CPOX: variants seen among roughly 807,000 people sequenced by gnomAD.
CPOX encodes the protein oxygen-dependent coproporphyrinogen-III oxidase, mitochondrial.
Under a neutral mutation model 48.9 loss-of-function variants are expected in CPOX, and 24 were observed. That is an observed-to-expected ratio of 0.49 (90% CI 0.36 to 0.69). The LOEUF is 0.69. Among genes scored for constraint, CPOX ranks in the 30% least tolerant of loss-of-function variants. The pLI, the probability that CPOX is intolerant of heterozygous loss-of-function variation, is 0.00. For missense variants in CPOX, 549 were observed against 597.3 expected (o/e 0.92, Z 0.84); for synonymous variants, 249 against 234.6 (o/e 1.06, Z -0.56).
At position 98,593,526 on chromosome 3, in the gene CPOX, G is replaced by C; in HGVS notation, c.-22C>G. Reference sequence around the variant, plus strand: ...CCATGTTCCCGCACTATCACCTGGAGCAGTGCCTGCGTCCCAGAGCCCTGC... The same window carrying C: ...CCATGTTCCCGCACTATCACCTGGACCAGTGCCTGCGTCCCAGAGCCCTGC... On this transcript the variant is annotated 5_prime_UTR_variant, in exon 1 of 7. Transcript: ENST00000647941. 1 of 1,517,470 alleles carries C rather than the reference G, an allele frequency of 6.6e-7. No homozygotes were observed. The highest frequency in any genetic ancestry group is 8.8e-7 in the Non-Finnish European group (1 of 1,138,692). 94.0% of individuals were successfully genotyped at this position (1,517,470 alleles called of 1,614,324 possible). A position where few individuals can be genotyped will look rare whatever the true frequency, so the allele number is the denominator to read the frequency against.
rs1707211755 is a variant in CPOX, at chr3:98,579,549, T to A, written c.*1134A>T. Reference sequence around the variant, plus strand: ...AAAAGGCCACACAGAATCACAAACATTCAACGTGTTCCACGATAATGATAT... The same window carrying A: ...AAAAGGCCACACAGAATCACAAACAATCAACGTGTTCCACGATAATGATAT... On this transcript the variant is annotated 3_prime_UTR_variant, in exon 7 of 7. Transcript: ENST00000647941. 2.0e-6 allele frequency: 2 copies of A among 985,338 alleles called. 1 individual carries two copies. Among genetic ancestry groups the A allele is most frequent in the South Asian group, 9.4e-5 (2 of 21,292 alleles). The allele number at this position is 985,338 out of a possible 1,614,324, so 61.0% of individuals were successfully genotyped here.
At position 98,590,679 on chromosome 3, in the gene CPOX, G is replaced by C; in HGVS notation, c.764C>G (p.Pro255Arg). Reference protein sequence around the residue: ...SVIHPKNPHAPTIHFNYRYFE... With the variant: ...SVIHPKNPHARTIHFNYRYFE... ...GTATCTGTAGTTGAAATGGATAGTA[G>C]GAGCATGAGGATTCTTGGGGTGGAT... The change falls in exon 3 of 7, where the codon CCT becomes CGT. Residue 255 changes from proline (P) to arginine (R), a missense_variant. This residue lies in a region of CPOX where 213 missense variants were observed against 279.1 expected (regional missense o/e 0.76). Transcript: ENST00000647941. 6.2e-7 allele frequency: 1 copy of C among 1,614,064 alleles called. No individual in the cohort carries two copies. Among genetic ancestry groups the C allele is most frequent in the Non-Finnish European group, 8.5e-7 (1 of 1,179,952 alleles).
At chr3:98,581,634 A>C in intron 5 of CPOX, 123 bp from the exon 6 acceptor site, 1 of 723,636 alleles carries the variant, frequency 1.4e-6, no homozygotes, top group Non-Finnish European at 2.5e-6. Context: ...GAACTGGCAC[A>C]GAGGACACCA....
downstream of CPOX, among the ~76,000 whole-genome samples, chr3:98,577,033 CAAGG>C (rs1707172318): frequency 6.6e-6 from 1 of 151,806 alleles, no homozygotes; most frequent in Non-Finnish European, 1.5e-5. Flanking sequence ...AGATTGACTC[CAAGG>C]AAGGTTTCTT....
intron 5 of CPOX, among the ~76,000 whole-genome samples, chr3:98,583,684 TAA>T: frequency 6.6e-6 from 1 of 152,206 alleles, no homozygotes; most frequent in East Asian, 1.9e-4. Context: ...GATTGCCAAA[TAA>T]GAGACTGTAA....
downstream of CPOX, among the ~76,000 whole-genome samples, chr3:98,578,722 G>A (rs1019663567): frequency 1.3e-5 from 2 of 152,056 alleles, no homozygotes; most frequent in Non-Finnish European, 2.9e-5. Flanking sequence ...CTTTCACTTG[G>A]CATAATGTTT....
rs75010511 is a variant in CPOX at position 98,588,137 on chromosome 3, T to C, written c.953+576A>G. The stretch of plus-strand genomic sequence containing the variant: ...CTTTTTCAAGAATGCCAATTGGCTC[T>C]AAGCAGAATTGAGTACTTTACTCAT... On this transcript the variant is annotated intron_variant, in intron 4 of 6. Transcript: ENST00000647941. Among the ~76,000 whole-genome samples, 1,239 of 152,362 alleles carry C rather than the reference T, an allele frequency of 8.1e-3. 13 individuals are homozygous for C. The highest frequency in any genetic ancestry group is 0.012 in the Non-Finnish European group (818 of 68,040).
chr3:98,591,966 CATAT>C (rs10535615), intron 1 of CPOX, among the ~76,000 whole-genome samples: 1,750 of 145,702 alleles, frequency 0.012, 33 homozygotes, highest in African/African-American at 0.034. Context: ...ATATTCCATC[CATAT>C]ATATATATAT....
downstream of CPOX, among the ~76,000 whole-genome samples, chr3:98,575,450 A>C (rs1559671225): frequency 2.6e-5 from 4 of 152,240 alleles, no homozygotes; most frequent in South Asian, 2.1e-4. Flanking sequence ...GAGGAAATGC[A>C]GTTCAACTAC....
chr3:98,587,075 A>G (rs992764059), intron 4 of CPOX, among the ~76,000 whole-genome samples: 8 of 152,206 alleles, frequency 5.3e-5, no homozygotes, highest in Admixed American at 5.2e-4. Context: ...AAATAGAAAA[A>G]CATGCTCAAA....
rs571677672 is a variant in CPOX, at chr3:98,579,978, C to A, written c.*705G>T. Reference sequence around the variant, plus strand: ...TTTCACATTCAAAAGTGCAGAGAATCCCAACATTAACAAACAATGGTTCCA... The same window carrying A: ...TTTCACATTCAAAAGTGCAGAGAATACCAACATTAACAAACAATGGTTCCA... On this transcript the variant is annotated 3_prime_UTR_variant, in exon 7 of 7. Transcript: ENST00000647941. 4 of 985,590 alleles carry A rather than the reference C, an allele frequency of 4.1e-6. No individual in the cohort carries two copies. The South Asian group carries it at 1.9e-4, about 46-fold the overall frequency. 61.1% of individuals were successfully genotyped at this position (985,590 alleles called of 1,614,324 possible).
chr3:98,578,225 T>A (rs1707190579), downstream of CPOX: 3 of 962,142 alleles, frequency 3.1e-6, no homozygotes, highest in South Asian at 1.4e-4. Flanking sequence ...GCAATTCTTT[T>A]CAGACATAGT....
chr3:98,583,924 G>A lies in CPOX; in HGVS notation c.1172+1517C>T, dbSNP rs536504708. Among the ~76,000 whole-genome samples, 6 of 152,262 alleles carry A rather than the reference G, an allele frequency of 3.9e-5. No individual in the cohort carries two copies. In the South Asian group the frequency reaches 1.2e-3, roughly 32 times the overall value. ...CCAGAGATAAGGGAGGCAGAAAGAA[G>A]CTGTCTTTGAAGAACAGTCACACAC... On this transcript the variant is annotated intron_variant, in intron 5 of 6. Coordinates refer to ENST00000647941, the MANE Select transcript of CPOX (RefSeq NM_000097.7).
chr3:98,589,276 G>A lies in CPOX; in HGVS notation c.812-422C>T, dbSNP rs536787374. Among the ~76,000 whole-genome samples, 18 of 152,122 alleles carry A rather than the reference G, an allele frequency of 1.2e-4. No homozygotes were observed. The South Asian group carries it at 2.5e-3, about 21-fold the overall frequency. On this transcript the variant is annotated intron_variant, in intron 3 of 6. Coordinates refer to ENST00000647941, the MANE Select transcript of CPOX (RefSeq NM_000097.7). Reference sequence around the variant, plus strand: ...GGAGGTTGCAGTGAGCTGAGATAGCGCCACTGCACTCCAGCCTGGGCAACA... The same window carrying A: ...GGAGGTTGCAGTGAGCTGAGATAGCACCACTGCACTCCAGCCTGGGCAACA...
rs571101692 is a variant in CPOX at position 98,593,597 on chromosome 3, T to G, written c.-93A>C. 3.5e-5 allele frequency: 46 copies of G among 1,327,728 alleles called. No homozygotes were observed. The Admixed American group carries it at 6.3e-4, about 18-fold the overall frequency. The allele number at this position is 1,327,728 out of a possible 1,614,324, so 82.2% of individuals were successfully genotyped here. A position where few individuals can be genotyped will look rare whatever the true frequency, so the allele number is the denominator to read the frequency against. Reference sequence around the variant, plus strand: ...CCCCCGGAGTATTGAGCCGGCGAGCTGCACAGGCGGAAAGAACCTTTCGAG... The same window carrying G: ...CCCCCGGAGTATTGAGCCGGCGAGCGGCACAGGCGGAAAGAACCTTTCGAG... On this transcript the variant is annotated 5_prime_UTR_variant, in exon 1 of 7. Transcript: ENST00000647941.
At chr3:98,587,247 A>G (rs1282023504) in intron 4 of CPOX, among the ~76,000 whole-genome samples, 1 of 152,154 alleles carries the variant, frequency 6.6e-6, no homozygotes, top group Non-Finnish European at 1.5e-5. Context: ...TTTTATTAAC[A>G]TAGTCTAAAA....
intron 1 of CPOX, 114 bp downstream of exon 1, chr3:98,592,835 G>A (rs904417404): frequency 8.4e-7 from 1 of 1,192,696 alleles, no homozygotes; most frequent in African/African-American, 1.5e-5. Context: ...CCTCTCTGTG[G>A]GTACCCCCTA....
intron 5 of CPOX, among the ~76,000 whole-genome samples, chr3:98,583,807 G>T (rs1707305031): frequency 6.6e-6 from 1 of 152,188 alleles, no homozygotes. Context: ...AACTGGTCAT[G>T]ACTGCAGTAT....
chr3:98,575,551 GGGA>G (rs1456979252), downstream of CPOX, among the ~76,000 whole-genome samples: 3 of 152,184 alleles, frequency 2.0e-5, no homozygotes, highest in African/African-American at 7.2e-5. Flanking sequence ...CCAGCACTTT[GGGA>G]GGCCGAGGCA....
Sources: gnomAD v4.1 joint callset for allele counts (sites outside exome capture counted in the v4.1 genomes callset) on GRCh38, gnomAD v4.1.1 for gene constraint, gnomAD v4.1.1 regional missense constraint, MANE v1.5 for transcripts, NCBI Gene and HGNC (gene_info 2026-07-23, HGNC 2026-07-21) for gene names.